The following SNTB2 variants were observed in gnomAD, a reference collection of about 807,000 sequenced individuals.
The protein encoded by SNTB2 is beta-2-syntrophin.
A neutral mutation model predicts 46.2 loss-of-function variants in SNTB2; 34 were observed. The ratio of observed to expected loss-of-function variants is 0.74; its 90% CI spans 0.56 to 0.98. The LOEUF (loss-of-function observed/expected upper bound fraction) is 0.98, where lower values mean the gene tolerates loss of function less well. Among genes scored for constraint, SNTB2 ranks in the 50% least tolerant of loss-of-function variants. The probability of loss-of-function intolerance (pLI) is 0.00; values close to 1 mark genes in which losing one functional copy is unlikely to be tolerated. For synonymous variants in SNTB2, 290 were observed against 312.6 expected, an observed-to-expected ratio of 0.93 and a Z score of 0.76; for missense variants, 603 against 731.4, an observed-to-expected ratio of 0.82 and a Z score of 2.02.
intron 1 of SNTB2, among the ~76,000 whole-genome samples, chr16:69,237,603 C>CTTTTTTTTTTT (rs397706857): frequency 1.8e-4 from 21 of 118,766 alleles, no homozygotes; most frequent in South Asian, 5.4e-4. Flanking sequence ...TTCTTTCTTT[C>CTTTTTTTTTTT]TTTTTTTTTT....
At chr16:69,209,849 C>T (rs894662632) in intron 1 of SNTB2, among the ~76,000 whole-genome samples, 1 of 151,982 alleles carries the variant, frequency 6.6e-6, no homozygotes, top group Non-Finnish European at 1.5e-5. Context: ...TCCCCCACCT[C>T]AAGATGTTTA....
chr16:69,216,853 G>A (rs1419405394), intron 1 of SNTB2, among the ~76,000 whole-genome samples: 1 of 152,168 alleles, frequency 6.6e-6, no homozygotes, highest in Non-Finnish European at 1.5e-5. Context: ...TTTGGCTGGG[G>A]TTGCTGTGCC....
chr16:69,236,458 A>G (rs927397754), intron 1 of SNTB2, among the ~76,000 whole-genome samples: 2 of 152,156 alleles, frequency 1.3e-5, no homozygotes, highest in Non-Finnish European at 2.9e-5. Context: ...AGTCAAATTC[A>G]TAAGGACAGA....
intron 1 of SNTB2, among the ~76,000 whole-genome samples, chr16:69,212,381 C>T (rs1057053985): frequency 5.3e-5 from 8 of 151,982 alleles, no homozygotes; most frequent in African/African-American, 1.9e-4. Flanking sequence ...TCTCTGTCAC[C>T]AGGCTGGACT....
At chr16:69,235,178 A>G (rs1964546552) in intron 1 of SNTB2, among the ~76,000 whole-genome samples, 1 of 143,348 alleles carries the variant, frequency 7.0e-6, no homozygotes. Flanking sequence ...TGCCCAGCTA[A>G]TTTTTTTTTT....
intron 4 of SNTB2, among the ~76,000 whole-genome samples, chr16:69,276,375 C>A (rs1426998274): frequency 6.6e-6 from 1 of 152,226 alleles, no homozygotes; most frequent in Non-Finnish European, 1.5e-5. Context: ...CAGCGAGAGT[C>A]CAGCATCTGG....
At chr16:69,231,659 G>GA (rs1414853620) in intron 1 of SNTB2, among the ~76,000 whole-genome samples, 3 of 152,042 alleles carry the variant, frequency 2.0e-5, no homozygotes, top group Non-Finnish European at 4.4e-5. Context: ...AAAAACCAAA[G>GA]AAAAATATGT....
intron 1 of SNTB2, among the ~76,000 whole-genome samples, chr16:69,211,054 C>T (rs537355862): frequency 5.3e-5 from 8 of 152,146 alleles, no homozygotes; most frequent in African/African-American, 9.6e-5. Context: ...GTTTTGAACT[C>T]CTGGCCTCAA....
At chr16:69,260,341 C>T (rs1964823630) in intron 3 of SNTB2, 81 bp downstream of exon 3, 4 of 1,298,056 alleles carry the variant, frequency 3.1e-6, no homozygotes, top group Non-Finnish European at 4.4e-6. Flanking sequence ...ATCTGTAATA[C>T]TTACCATGCA....
In SNTB2 at chr16:69,299,729, C is replaced by A. The variant is rs1260180838; in HGVS notation, c.1485C>A (p.Gly495=). 2.5e-6 allele frequency: 4 copies of A among 1,614,020 alleles called. No individual in the cohort carries two copies. The highest frequency in any genetic ancestry group is 3.4e-6 in the Non-Finnish European group (4 of 1,180,040). The part of the protein sequence containing the change: ...FERLKMSADD[G]IRNLYLDFGG... ...GGCTGAAGATGTCTGCTGATGATGGCATCCGAAATCTATACTTGGATTTTG... is the reference window on the plus strand; with the variant it reads ...GGCTGAAGATGTCTGCTGATGATGGAATCCGAAATCTATACTTGGATTTTG... The change falls in exon 6 of 7, where the codon GGC becomes GGA. Residue 495 remains glycine, a synonymous_variant. Coordinates refer to ENST00000336278, the MANE Select transcript of SNTB2 (RefSeq NM_006750.4).
At position 69,307,773 on chromosome 16, in the gene SNTB2, C is replaced by T. The variant is rs1250964953; in HGVS notation, c.*6849C>T. Reference sequence around the variant, plus strand: ...CAGCCTGGGCAACACAGCGGGACCCCGACTCCATTTAAAAAATTAAAAAAA... The same window carrying T: ...CAGCCTGGGCAACACAGCGGGACCCTGACTCCATTTAAAAAATTAAAAAAA... On this transcript the variant is annotated 3_prime_UTR_variant, in exon 7 of 7. Transcript: ENST00000336278. 2 of 149,842 alleles carry T rather than the reference C, an allele frequency of 1.3e-5. No individual in the cohort carries two copies. The highest frequency in any genetic ancestry group is 2.5e-5 in the African/African-American group (1 of 40,744). The allele number at this position is 149,842 out of a possible 1,614,324, so 9.3% of individuals were successfully genotyped here.
intron 2 of SNTB2, among the ~76,000 whole-genome samples, chr16:69,255,608 C>T (rs369927014): frequency 4.0e-5 from 6 of 150,778 alleles, no homozygotes; most frequent in Non-Finnish European, 5.9e-5. Flanking sequence ...GGGCTGGGCA[C>T]GATGGTTCAT....
intron 1 of SNTB2, among the ~76,000 whole-genome samples, chr16:69,200,325 T>C (rs539448356): frequency 6.6e-6 from 1 of 152,374 alleles, no homozygotes; most frequent in Admixed American, 6.5e-5. Context: ...GTAATACCTA[T>C]TTCTTAGCAT....
At chr16:69,225,094 T>C (rs994567409) in intron 1 of SNTB2, among the ~76,000 whole-genome samples, 2 of 152,236 alleles carry the variant, frequency 1.3e-5, no homozygotes, top group African/African-American at 4.8e-5. Flanking sequence ...CTATTTGGTC[T>C]GAAAAGCTCT....
At chr16:69,193,834 C>T (rs1419814348) in intron 1 of SNTB2, among the ~76,000 whole-genome samples, 2 of 152,110 alleles carry the variant, frequency 1.3e-5, no homozygotes, top group Admixed American at 1.3e-4. Flanking sequence ...TGTCACAAAC[C>T]CAAGGCAGTG....
chr16:69,273,602 T>A (rs1964958664), intron 4 of SNTB2, among the ~76,000 whole-genome samples: 1 of 152,196 alleles, frequency 6.6e-6, no homozygotes, highest in Non-Finnish European at 1.5e-5. Flanking sequence ...CTTTTTGAGA[T>A]GATGACAGTC....
At chr16:69,269,966 C>T (rs1168364695) in intron 3 of SNTB2, among the ~76,000 whole-genome samples, 177 bp from the exon 4 acceptor site, 1 of 152,194 alleles carries the variant, frequency 6.6e-6, no homozygotes, top group East Asian at 1.9e-4. Context: ...CACCACTTCA[C>T]ACCTCCCGGT....
At chr16:69,299,906 T>A (rs971734828) in intron 6 of SNTB2, 132 bp downstream of exon 6, 69 of 1,004,816 alleles carry the variant, frequency 6.9e-5, no homozygotes, top group African/African-American at 1.5e-4. Flanking sequence ...TTAAAAAAAA[T>A]TTTTTTAAAG....
rs548783454 is a variant in SNTB2 at position 69,293,085 on chromosome 16, T to C, written c.1346-6505T>C. ...TAGTTGGGATGATTTATGCTAAAAA[T>C]AGTAGGACATGGCCACTAAAACTAG... On this transcript the variant is annotated intron_variant, in intron 5 of 6. Transcript: ENST00000336278. Among the ~76,000 whole-genome samples, 5 of 152,248 alleles carry C rather than the reference T, an allele frequency of 3.3e-5. No individual in the cohort carries two copies. The South Asian group carries it at 1.0e-3, about 32-fold the overall frequency.
Sources: gnomAD v4.1 joint callset for allele counts (sites outside exome capture counted in the v4.1 genomes callset) on GRCh38, gnomAD v4.1.1 for gene constraint, MANE v1.5 for transcripts, NCBI Gene and HGNC (gene_info 2026-07-23, HGNC 2026-07-21) for gene names.